The following GPC5 variants were observed in gnomAD, a reference collection of about 807,000 sequenced individuals.
GPC5 encodes glypican 5.
GPC5 carries 47 observed loss-of-function variants against 53.9 expected under a neutral mutation model. The observed-to-expected ratio is 0.87, with a 90% CI of 0.69 to 1.11. The LOEUF (loss-of-function observed/expected upper bound fraction) is 1.11, where lower values mean the gene tolerates loss of function less well. Among genes scored for constraint, GPC5 ranks in the 50% most tolerant of loss-of-function variants. GPC5 has a pLI of 0.00. For synonymous variants in GPC5, 286 were observed against 263.3 expected, an observed-to-expected ratio of 1.09 and a Z score of -0.84; for missense variants, 748 against 713.1, an observed-to-expected ratio of 1.05 and a Z score of -0.56.
chr13:91,782,812 A>G (rs1281350929), intron 5 of GPC5, among the ~76,000 whole-genome samples: 4 of 151,548 alleles, frequency 2.6e-5, no homozygotes, highest in Admixed American at 6.6e-5. Flanking sequence ...CAGTTCCTAT[A>G]ATTATTAAGT....
chr13:91,901,314 A>G (rs940592264), intron 5 of GPC5, among the ~76,000 whole-genome samples: 1 of 152,086 alleles, frequency 6.6e-6, no homozygotes, highest in African/African-American at 2.4e-5. Flanking sequence ...TTGTGGCTCA[A>G]CAATTGAAGT....
At chr13:91,990,553 T>C (rs959925568) in intron 6 of GPC5, among the ~76,000 whole-genome samples, 3 of 152,190 alleles carry the variant, frequency 2.0e-5, no homozygotes, top group African/African-American at 7.2e-5. Context: ...CCTAGTGATA[T>C]TGTTCTTATA....
chr13:92,489,581 C>G (rs1879683335), intron 7 of GPC5, among the ~76,000 whole-genome samples: 1 of 152,014 alleles, frequency 6.6e-6, no homozygotes, highest in South Asian at 2.1e-4. Context: ...GTGAGAGATA[C>G]CCACGTGGAT....
At chr13:91,442,690 G>A (rs988381118) in intron 1 of GPC5, among the ~76,000 whole-genome samples, 1 of 152,166 alleles carries the variant, frequency 6.6e-6, no homozygotes, top group African/African-American at 2.4e-5. Context: ...TGGATTCAGA[G>A]ACAAGATCAG....
intron 7 of GPC5, among the ~76,000 whole-genome samples, chr13:92,401,623 A>G (rs888740042): frequency 1.3e-5 from 2 of 152,178 alleles, no homozygotes; most frequent in Non-Finnish European, 2.9e-5. Context: ...TAAAATTCAA[A>G]AGAGAAAGTC....
At chr13:91,650,757 T>G (rs2034686588) in intron 2 of GPC5, among the ~76,000 whole-genome samples, 3 of 149,142 alleles carry the variant, frequency 2.0e-5, no homozygotes, top group Admixed American at 6.7e-5. Flanking sequence ...TAAGTTTTTT[T>G]TTTTTTTTTT....
At chr13:92,331,663 G>T (rs2043288709) in intron 7 of GPC5, among the ~76,000 whole-genome samples, 1 of 144,488 alleles carries the variant, frequency 6.9e-6, no homozygotes, top group African/African-American at 2.6e-5. Flanking sequence ...TCTCACAAAT[G>T]ATTAATAATA....
intron 7 of GPC5, among the ~76,000 whole-genome samples, chr13:92,520,652 T>C (rs1881004734): frequency 6.6e-6 from 1 of 152,150 alleles, no homozygotes; most frequent in Non-Finnish European, 1.5e-5. Context: ...GAGGTGTTTA[T>C]GACAAACCCA....
chr13:91,828,456 C>T (rs1298846838), intron 5 of GPC5, among the ~76,000 whole-genome samples: 1 of 151,924 alleles, frequency 6.6e-6, no homozygotes, highest in African/African-American at 2.4e-5. Context: ...GTTAAGAGTA[C>T]CTCACAGCAA....
At chr13:91,759,408 A>G (rs1209037274) in intron 5 of GPC5, among the ~76,000 whole-genome samples, 2 of 152,052 alleles carry the variant, frequency 1.3e-5, no homozygotes, top group Non-Finnish European at 2.9e-5. Context: ...TTACTTTAAA[A>G]TGTACAATAA....
chr13:92,444,232 A>G (rs979696448), intron 7 of GPC5, among the ~76,000 whole-genome samples: 1 of 152,214 alleles, frequency 6.6e-6, no homozygotes, highest in Non-Finnish European at 1.5e-5. Context: ...GAAGAGGGAT[A>G]TTAGTTCAAT....
chr13:91,940,090 C>T (rs1037889658), intron 6 of GPC5, among the ~76,000 whole-genome samples: 4 of 152,122 alleles, frequency 2.6e-5, no homozygotes, highest in African/African-American at 7.2e-5. Context: ...GAAAAACCTT[C>T]ATGGATCAAC....
At chr13:92,613,540 A>G (rs1430755595) in intron 7 of GPC5, among the ~76,000 whole-genome samples, 2 of 125,908 alleles carry the variant, frequency 1.6e-5, no homozygotes, top group Admixed American at 9.7e-5. Flanking sequence ...TATATAAAAT[A>G]TAATATATAA....
At chr13:91,635,181 G>C (rs1028547426) in intron 2 of GPC5, among the ~76,000 whole-genome samples, 1 of 151,900 alleles carries the variant, frequency 6.6e-6, no homozygotes, top group Non-Finnish European at 1.5e-5. Flanking sequence ...TGTTCTGTTA[G>C]GTATTTTAAT....
In GPC5 at chr13:92,539,002, T is replaced by C. The variant is rs1881834222; in HGVS notation, c.1562-327280T>C. 2.2e-5 allele frequency among the ~76,000 whole-genome samples: 3 copies of C among 134,558 alleles called. No individual in the cohort carries two copies. In the Admixed American group the frequency reaches 2.4e-4, roughly 11 times the overall value. 88.3% of individuals were successfully genotyped at this position (134,558 alleles called of 152,430 possible). A position where few individuals can be genotyped will look rare whatever the true frequency, so the allele number is the denominator to read the frequency against. On this transcript the variant is annotated intron_variant, in intron 7 of 7. Transcript: ENST00000377067. Reference sequence around the variant, plus strand: ...ATATATATACCATATATATATACTTTATATATTTTATATATATTATTCTAT... The same window carrying C: ...ATATATATACCATATATATATACTTCATATATTTTATATATATTATTCTAT...
chr13:92,277,842 T>G (rs1275136992), intron 7 of GPC5, among the ~76,000 whole-genome samples: 1 of 151,878 alleles, frequency 6.6e-6, no homozygotes, highest in Admixed American at 6.6e-5. Context: ...CTGTTAGGCA[T>G]AGAAATATGA....
rs148160707 is a variant in GPC5, at chr13:92,152,595, C to T, written c.1561+7606C>T. Among the ~76,000 whole-genome samples the T allele has an allele frequency of 1.1e-3, 167 of 152,076 alleles. 4 individuals carry two copies. In the East Asian group the frequency reaches 0.03, roughly 28 times the overall value. ...TACTAAAAAAATACAAAAAATTAGC[C>T]GGGTGTCGTGGCGGGCGCCTGTAGC... On this transcript the variant is annotated intron_variant, in intron 7 of 7. Coordinates refer to ENST00000377067, the MANE Select transcript of GPC5 (RefSeq NM_004466.6).
At chr13:91,911,441 G>A (rs979042582) in intron 6 of GPC5, among the ~76,000 whole-genome samples, 3 of 152,086 alleles carry the variant, frequency 2.0e-5, no homozygotes, top group Non-Finnish European at 2.9e-5. Context: ...CTACTCAGGA[G>A]ACTGAGGCAG....
chr13:91,413,202 G>T (rs140802607), intron 1 of GPC5, among the ~76,000 whole-genome samples: 5 of 152,302 alleles, frequency 3.3e-5, no homozygotes, highest in Non-Finnish European at 7.3e-5. Context: ...GATAGCCTGA[G>T]CCCAGGAGGT....
Sources: gnomAD v4.1 joint callset for allele counts (sites outside exome capture counted in the v4.1 genomes callset) on GRCh38, gnomAD v4.1.1 for gene constraint, MANE v1.5 for transcripts, NCBI Gene and HGNC (gene_info 2026-07-23, HGNC 2026-07-21) for gene names.